ZFPM2: variants seen among roughly 807,000 people sequenced by gnomAD.
ZFPM2 encodes zinc finger protein, FOG family member 2.
Under a neutral mutation model 98.6 loss-of-function variants are expected in ZFPM2, and 20 were observed. The ratio of observed to expected loss-of-function variants is 0.20; its 90% confidence interval spans 0.14 to 0.29. The LOEUF (loss-of-function observed/expected upper bound fraction) is 0.29. Ranked by LOEUF, ZFPM2 falls within the 10% of genes least tolerant of loss-of-function variation. The pLI is 1.00. For missense variants in ZFPM2, 1,310 were observed against 1,388.6 expected, an observed-to-expected ratio of 0.94 and a Z score of 0.90; for synonymous variants, 518 against 502.7, an observed-to-expected ratio of 1.03 and a Z score of -0.41.
intron 1 of ZFPM2, among the ~76,000 whole-genome samples, chr8:105,328,403 T>C (rs1812154359): frequency 6.6e-6 from 1 of 151,844 alleles, no homozygotes; most frequent in African/African-American, 2.4e-5. Context: ...AGAATGCTTA[T>C]ATCCACAAAA....
At chr8:105,584,462 AT>A (rs1335845707) in intron 4 of ZFPM2, among the ~76,000 whole-genome samples, 1 of 152,136 alleles carries the variant, frequency 6.6e-6, no homozygotes, top group Non-Finnish European at 1.5e-5. Context: ...CTGTGTATCA[AT>A]TTCTTTTTCC....
At chr8:105,612,852 A>G (rs1816334216) in intron 4 of ZFPM2, among the ~76,000 whole-genome samples, 1 of 152,224 alleles carries the variant, frequency 6.6e-6, no homozygotes, top group South Asian at 2.1e-4. Context: ...GCTGAAATAA[A>G]GAAGATAATT....
chr8:105,384,643 A>C (rs994909840), intron 1 of ZFPM2, among the ~76,000 whole-genome samples: 7 of 152,120 alleles, frequency 4.6e-5, no homozygotes, highest in Non-Finnish European at 1.0e-4. Context: ...GGGAACAAAC[A>C]TTAACCCGTT....
At chr8:105,556,486 C>T (rs1814993644) in intron 3 of ZFPM2, among the ~76,000 whole-genome samples, 4 of 152,146 alleles carry the variant, frequency 2.6e-5, no homozygotes, top group Admixed American at 2.0e-4. Flanking sequence ...ACTTTGCATG[C>T]AGAAACTGAA....
intron 4 of ZFPM2, among the ~76,000 whole-genome samples, chr8:105,598,747 A>G (rs560544113): frequency 2.5e-4 from 38 of 152,274 alleles, no homozygotes; most frequent in Non-Finnish European, 4.3e-4. Context: ...ACCAAGAAAG[A>G]TAATGAAGTC....
intron 3 of ZFPM2, among the ~76,000 whole-genome samples, chr8:105,504,809 G>A (rs1813664059): frequency 6.6e-6 from 1 of 152,056 alleles, no homozygotes; most frequent in African/African-American, 2.4e-5. Context: ...AGTTTACTTG[G>A]GTTCCTAGGG....
chr8:105,636,040 T>C (rs1816841429), intron 5 of ZFPM2, among the ~76,000 whole-genome samples: 1 of 152,144 alleles, frequency 6.6e-6, no homozygotes, highest in Non-Finnish European at 1.5e-5. Flanking sequence ...CTAATGGTAA[T>C]TCTATACAAT....
intron 5 of ZFPM2, among the ~76,000 whole-genome samples, chr8:105,656,818 A>G (rs1646251686): frequency 6.6e-6 from 1 of 152,220 alleles, no homozygotes; most frequent in African/African-American, 2.4e-5. Flanking sequence ...AACAGCATTT[A>G]CTTGTATTCT....
At chr8:105,610,957 A>G (rs937619423) in intron 4 of ZFPM2, among the ~76,000 whole-genome samples, 6 of 152,186 alleles carry the variant, frequency 3.9e-5, no homozygotes, top group African/African-American at 7.2e-5. Context: ...AGTTTCAGAA[A>G]TTACTCTCTG....
At chr8:105,589,335 T>C (rs1337594409) in intron 4 of ZFPM2, among the ~76,000 whole-genome samples, 7 of 152,164 alleles carry the variant, frequency 4.6e-5, no homozygotes, top group Non-Finnish European at 1.0e-4. Flanking sequence ...ACAATACATT[T>C]CTCAAGCGTC....
chr8:105,330,302 A>G (rs1212844001), intron 1 of ZFPM2, among the ~76,000 whole-genome samples: 3 of 151,340 alleles, frequency 2.0e-5, no homozygotes, highest in African/African-American at 4.8e-5. Flanking sequence ...TGTAGGCTTA[A>G]TATCAGGAAG....
At chr8:105,528,501 G>A (rs1295549376) in intron 3 of ZFPM2, among the ~76,000 whole-genome samples, 2 of 152,032 alleles carry the variant, frequency 1.3e-5, no homozygotes, top group African/African-American at 2.4e-5. Flanking sequence ...TTACCATTCT[G>A]GCCTGTTTTG....
At chr8:105,688,206 AACACT>A (rs1810788462) in intron 5 of ZFPM2, among the ~76,000 whole-genome samples, 1 of 152,146 alleles carries the variant, frequency 6.6e-6, no homozygotes, top group Non-Finnish European at 1.5e-5. Flanking sequence ...TCAATAAAAT[AACACT>A]GGGCCAATTA....
chr8:105,693,260 T>C (rs1267478025), intron 5 of ZFPM2, among the ~76,000 whole-genome samples: 2 of 152,196 alleles, frequency 1.3e-5, no homozygotes, highest in Admixed American at 1.3e-4. Flanking sequence ...CAAAGCCCCA[T>C]GAATAATGGC....
At chr8:105,402,793 T>C (rs2129990089) in intron 1 of ZFPM2, among the ~76,000 whole-genome samples, 1 of 152,254 alleles carries the variant, frequency 6.6e-6, no homozygotes, top group Non-Finnish European at 1.5e-5. Flanking sequence ...TTTGCCATTC[T>C]TAATGGCTAA....
At chr8:105,690,689 T>G (rs1810859035) in intron 5 of ZFPM2, among the ~76,000 whole-genome samples, 1 of 151,962 alleles carries the variant, frequency 6.6e-6, no homozygotes, top group Non-Finnish European at 1.5e-5. Flanking sequence ...TCATAATAAC[T>G]CACACCGCAA....
chr8:105,758,157 G>A (rs1812650460), intron 5 of ZFPM2, among the ~76,000 whole-genome samples: 1 of 152,022 alleles, frequency 6.6e-6, no homozygotes, highest in African/African-American at 2.4e-5. Flanking sequence ...ACTTTCCTAA[G>A]TACCTGCTTT....
At chr8:105,426,524 C>T (rs997349348) in intron 2 of ZFPM2, among the ~76,000 whole-genome samples, 3 of 152,086 alleles carry the variant, frequency 2.0e-5, no homozygotes, top group African/African-American at 7.2e-5. Context: ...CTTGGCAGAG[C>T]CTCTGTTTTC....
At chr8:105,543,254 G>C (rs1390386454) in intron 3 of ZFPM2, among the ~76,000 whole-genome samples, 3 of 152,222 alleles carry the variant, frequency 2.0e-5, no homozygotes, top group Admixed American at 1.3e-4. Flanking sequence ...GGGAGACCAA[G>C]GTGGGTGGAT....
Sources: gnomAD v4.1 joint callset for allele counts (sites outside exome capture counted in the v4.1 genomes callset) on GRCh38, gnomAD v4.1.1 for gene constraint, MANE v1.5 for transcripts, NCBI Gene and HGNC (gene_info 2026-07-23, HGNC 2026-07-21) for gene names.